The following GRID2 variants were observed in gnomAD, a reference collection of about 807,000 sequenced individuals.
GRID2 encodes the protein glutamate ionotropic receptor delta type subunit 2, also known as glutamate receptor ionotropic, delta-2.
A neutral mutation model predicts 114.8 loss-of-function variants in GRID2; 33 were observed. That is an observed-to-expected ratio of 0.29 (90% CI 0.22 to 0.38). GRID2 has a LOEUF of 0.38. Ranked by LOEUF, GRID2 falls within the 10% of genes least tolerant of loss-of-function variation. The pLI, the probability that GRID2 is intolerant of heterozygous loss-of-function variation, is 1.00. For missense variants in GRID2, 1,184 were observed against 1,257.7 expected, an observed-to-expected ratio of 0.94 and a Z score of 0.89; for synonymous variants, 505 against 449.9, an observed-to-expected ratio of 1.12 and a Z score of -1.55.
intron 1 of GRID2, among the ~76,000 whole-genome samples, chr4:92,526,705 T>C (rs1300582026): frequency 2.7e-5 from 4 of 150,714 alleles, no homozygotes; most frequent in Admixed American, 2.0e-4. Flanking sequence ...TGCATTAAAA[T>C]AAACACCTAT....
intron 8 of GRID2, among the ~76,000 whole-genome samples, chr4:93,266,979 C>G (rs1750909966): frequency 9.6e-6 from 1 of 103,756 alleles, no homozygotes; most frequent in Non-Finnish European, 1.7e-5. Flanking sequence ...GTCTATTATT[C>G]CACACTCTAT....
At chr4:92,759,223 G>T (rs1737870147) in intron 2 of GRID2, among the ~76,000 whole-genome samples, 1 of 152,100 alleles carries the variant, frequency 6.6e-6, no homozygotes, top group Non-Finnish European at 1.5e-5. Context: ...TTTTGGTAGA[G>T]ATCCATAATA....
intron 14 of GRID2, among the ~76,000 whole-genome samples, chr4:93,713,217 A>G (rs987696921): frequency 6.6e-6 from 1 of 152,106 alleles, no homozygotes; most frequent in African/African-American, 2.4e-5. Flanking sequence ...TTTCTTTTTC[A>G]GTAAATAATA....
intron 2 of GRID2, among the ~76,000 whole-genome samples, chr4:92,900,387 G>A (rs1205900782): frequency 1.3e-5 from 2 of 152,168 alleles, no homozygotes; most frequent in Non-Finnish European, 2.9e-5. Flanking sequence ...GTATCCATAA[G>A]TAATTTCTCA....
At chr4:93,238,518 CT>C in intron 8 of GRID2, 28 bp downstream of exon 8, 2 of 1,589,478 alleles carry the variant, frequency 1.3e-6, no homozygotes, top group Non-Finnish European at 1.7e-6. Context: ...GATTAATACG[CT>C]TTTTCCTATA....
At chr4:92,972,372 AT>A (rs1224665848) in intron 2 of GRID2, among the ~76,000 whole-genome samples, 1 of 152,044 alleles carries the variant, frequency 6.6e-6, no homozygotes, top group African/African-American at 2.4e-5. Flanking sequence ...TTAAGAAGAT[AT>A]TTAGAGAAAA....
intron 2 of GRID2, among the ~76,000 whole-genome samples, chr4:92,896,774 G>A (rs968934202): frequency 3.9e-5 from 6 of 151,966 alleles, no homozygotes; most frequent in Admixed American, 1.3e-4. Flanking sequence ...ACGGAGTCTC[G>A]CTCTGTCGCC....
chr4:93,209,998 A>C (rs764096074), intron 5 of GRID2, among the ~76,000 whole-genome samples: 4 of 152,122 alleles, frequency 2.6e-5, no homozygotes, highest in Non-Finnish European at 5.9e-5. Flanking sequence ...CTTAAGGATA[A>C]ATAGACCTTT....
intron 8 of GRID2, among the ~76,000 whole-genome samples, chr4:93,320,553 T>C (rs888023131): frequency 5.3e-5 from 8 of 152,082 alleles, no homozygotes; most frequent in Non-Finnish European, 1.0e-4. Context: ...GGTCCACTAG[T>C]GGGAATTCTG....
intron 8 of GRID2, among the ~76,000 whole-genome samples, chr4:93,272,343 A>C (rs1751551308): frequency 6.6e-6 from 1 of 152,206 alleles, no homozygotes; most frequent in Non-Finnish European, 1.5e-5. Flanking sequence ...AAGACAGACA[A>C]CAAGACAGAG....
chr4:93,251,023 TG>T (rs1016329935), intron 8 of GRID2, among the ~76,000 whole-genome samples: 1 of 152,092 alleles, frequency 6.6e-6, no homozygotes, highest in Non-Finnish European at 1.5e-5. Context: ...ATTTACCTGA[TG>T]GCAAATATTT....
chr4:93,157,759 A>C (rs1313952573), intron 4 of GRID2, among the ~76,000 whole-genome samples: 2 of 151,478 alleles, frequency 1.3e-5, no homozygotes, highest in Admixed American at 6.6e-5. Flanking sequence ...GACTTGCTGA[A>C]CTCTCATGCT....
chr4:93,158,586 G>A (rs914463348), intron 4 of GRID2, among the ~76,000 whole-genome samples: 2 of 151,450 alleles, frequency 1.3e-5, no homozygotes, highest in African/African-American at 4.8e-5. Context: ...TTGTAATTCT[G>A]AACTTCTACT....
intron 13 of GRID2, among the ~76,000 whole-genome samples, chr4:93,581,103 A>T (rs1016692041): frequency 1.7e-4 from 8 of 47,710 alleles, no homozygotes; most frequent in Admixed American, 2.1e-4. Flanking sequence ...CTAGTCCCCC[A>T]CCCCCCAACA....
chr4:92,756,079 T>C (rs1241412089), intron 2 of GRID2, among the ~76,000 whole-genome samples: 1 of 152,100 alleles, frequency 6.6e-6, no homozygotes, highest in Admixed American at 6.6e-5. Flanking sequence ...TTCCAAACTC[T>C]CTTCACACGC....
At chr4:93,501,203 G>A (rs1728067310) in intron 12 of GRID2, among the ~76,000 whole-genome samples, 1 of 151,880 alleles carries the variant, frequency 6.6e-6, no homozygotes, top group South Asian at 2.1e-4. Flanking sequence ...AAATATGAAA[G>A]CCATTTCTTT....
intron 14 of GRID2, among the ~76,000 whole-genome samples, chr4:93,725,138 C>T (rs537545628): frequency 6.4e-4 from 97 of 152,260 alleles, no homozygotes; most frequent in Middle Eastern, 6.8e-3. Flanking sequence ...CACCCCTCCC[C>T]CCACCAAACA....
chr4:93,768,093 T>G (rs1315800924), intron 14 of GRID2, among the ~76,000 whole-genome samples: 1 of 152,150 alleles, frequency 6.6e-6, no homozygotes, highest in Non-Finnish European at 1.5e-5. Flanking sequence ...CAAGGCTGTA[T>G]ACACCCGAGC....
At chr4:93,321,052 C>A (rs1560495825) in intron 8 of GRID2, among the ~76,000 whole-genome samples, 1 of 152,008 alleles carries the variant, frequency 6.6e-6, no homozygotes, top group Non-Finnish European at 1.5e-5. Flanking sequence ...ATTGGGCAAG[C>A]TGATGTGGCC....
Sources: allele counts gnomAD v4.1 joint callset (sites outside exome capture counted in the v4.1 genomes callset), GRCh38; gene constraint gnomAD v4.1.1; transcripts MANE v1.5; gene names NCBI Gene and HGNC (gene_info 2026-07-23, HGNC 2026-07-21).